Variants in PCSK9 observed in about 807,000 individuals in gnomAD.
The protein encoded by PCSK9 is proprotein convertase subtilisin/kexin type 9.
Under a neutral mutation model 62.1 loss-of-function variants are expected in PCSK9, and 57 were observed. The ratio of observed to expected loss-of-function variants is 0.92; its 90% CI spans 0.74 to 1.14. PCSK9 has a LOEUF of 1.14. Among genes scored for constraint, PCSK9 ranks in the 50% most tolerant of loss-of-function variants. The probability of loss-of-function intolerance (pLI) is 0.00; values close to 1 mark genes in which losing one functional copy is unlikely to be tolerated. For missense variants in PCSK9, 870 were observed against 959.8 expected (o/e 0.91, Z 1.24); for synonymous variants, 387 against 409.4 (o/e 0.95, Z 0.66).
rs1644784753 is a variant in PCSK9 at position 55,064,258 on chromosome 1, A to G, written c.*674A>G. ...ACCCAAAGGTGGCCTGCGGGGAGCC[A>G]TCACCTAGGACTGACTCGGCAGTGT... On this transcript the variant is annotated 3_prime_UTR_variant, in exon 12 of 12. Coordinates refer to ENST00000302118, the MANE Select transcript of PCSK9 (RefSeq NM_174936.4). The G allele has an allele frequency of 1.3e-5, 2 of 153,676 alleles. No homozygotes were observed. Among genetic ancestry groups the G allele is most frequent in the Admixed American group, 6.5e-5 (1 of 15,488 alleles). The allele number at this position is 153,676 out of a possible 1,614,324, so 9.5% of individuals were successfully genotyped here. A position where few individuals can be genotyped will look rare whatever the true frequency, so the allele number is the denominator to read the frequency against.
At chr1:55,050,000 C>T (rs200012644) in intron 3 of PCSK9, among the ~76,000 whole-genome samples, 5 of 137,228 alleles carry the variant, frequency 3.6e-5, no homozygotes, top group African/African-American at 5.1e-5. Flanking sequence ...TCACACACGA[C>T]GAGGAACATG....
Position 55,040,786 on chromosome 1 carries a change from G to C in PCSK9, c.207+742G>C, listed in dbSNP as rs1357037862. 2.0e-5 allele frequency among the ~76,000 whole-genome samples: 3 copies of C among 152,238 alleles called. No homozygotes were observed. The highest frequency in any genetic ancestry group is 4.4e-5 in the Non-Finnish European group (3 of 68,042). ...TGGTGCGCCTGGTACTGGGACCCCGGAGCTGAGCCCGGCGCCTCAGCCCAC... is the reference window on the plus strand; with the variant it reads ...TGGTGCGCCTGGTACTGGGACCCCGCAGCTGAGCCCGGCGCCTCAGCCCAC... On this transcript the variant is annotated intron_variant, in intron 1 of 11. Transcript: ENST00000302118. This position sits in a 1 kb window ranked among gnomAD's most constrained non-coding sequence, Gnocchi z 4.1.
chr1:55,046,475 T>G lies in PCSK9; in HGVS notation c.400-48T>G, dbSNP rs941818914. 4.3e-6 allele frequency: 7 copies of G among 1,613,986 alleles called. No homozygotes were observed. The African/African-American group carries it at 6.7e-5, about 15-fold the overall frequency. ...GCCAGGCTGTGGCTGTGTTTGCTGC[T>G]GTCCAAATGGCTTAAGCAGAGTCCC... On this transcript the variant is annotated intron_variant, in intron 2 of 11. Transcript: ENST00000302118.
chr1:55,052,783 C>A lies in PCSK9; in HGVS notation c.791C>A (p.Thr264Asn), dbSNP rs201789841. The change falls in exon 5 of 12, where the codon ACC becomes AAC. Residue 264 changes from threonine (T) to asparagine (N), a missense_variant. Thr to Asn is a moderately conservative substitution (Grantham distance 65, BLOSUM62 0). Transcript: ENST00000302118. ...NCQGKGTVSG[T>N]LIGLEFIRKS... is the part of the protein sequence containing the mutation. The stretch of plus-strand genomic sequence containing the variant: ...CAAGGGAAGGGCACGGTTAGCGGCA[C>A]CCTCATAGGTAAGTGATGGCCCCAG... 4.3e-6 allele frequency: 7 copies of A among 1,613,002 alleles called. No homozygotes were observed. The Admixed American group carries it at 8.3e-5, about 19-fold the overall frequency.
Position 55,061,528 on chromosome 1 carries a change from A to G in PCSK9, c.1835A>G (p.Glu612Gly), listed in dbSNP as rs753062243. ...CCAGGTCTGGAATGCAAAGTCAAGGAGCATGGAATCCCGGCCCCTCAGGAG... is the reference window on the plus strand; with the variant it reads ...CCAGGTCTGGAATGCAAAGTCAAGGGGCATGGAATCCCGGCCCCTCAGGAG... ...HAPGLECKVKEHGIPAPQEQV... is the reference protein window; with the variant it reads ...HAPGLECKVKGHGIPAPQEQV... Residue 612 changes from glutamate to glycine, a missense_variant, in exon 11 of 12, where the codon GAG becomes GGG. Coordinates refer to ENST00000302118, the MANE Select transcript of PCSK9 (RefSeq NM_174936.4). The G allele has an allele frequency of 2.5e-6, 4 of 1,602,880 alleles. No homozygotes were observed. The highest frequency in any genetic ancestry group is 1.7e-6 in the Non-Finnish European group (2 of 1,175,122).
At chr1:55,057,997 C>G (rs372353877) in intron 7 of PCSK9, 39 bp from the exon 8 acceptor site, 1 of 1,612,772 alleles carries the variant, frequency 6.2e-7, no homozygotes, top group Non-Finnish European at 8.5e-7. Context: ...GCAGGAGGGC[C>G]GGGCCATCAC....
chr1:55,057,574 G>T, intron 7 of PCSK9, 60 bp downstream of exon 7: 2 of 1,540,932 alleles, frequency 1.3e-6, no homozygotes, highest in Non-Finnish European at 1.8e-6. Context: ...TGGCAGTCAG[G>T]GTCTGTGCCG....
intron 5 of PCSK9, among the ~76,000 whole-genome samples, chr1:55,053,333 C>T (rs1345834389): frequency 6.6e-6 from 1 of 152,124 alleles, no homozygotes; most frequent in African/African-American, 2.4e-5. Flanking sequence ...AACTAGGACT[C>T]TGGGGGCCGG....
At position 55,039,968 on chromosome 1, in the gene PCSK9, C is replaced by A; in HGVS notation, c.131C>A (p.Ala44Asp). 1 of 1,579,610 alleles carries A rather than the reference C, an allele frequency of 6.3e-7. No homozygotes were observed. Among genetic ancestry groups the A allele is most frequent in the Non-Finnish European group, 8.6e-7 (1 of 1,163,700 alleles). The change falls in exon 1 of 12, where the codon GCC (alanine) becomes GAC (aspartate). Residue 44 changes from alanine (A) to aspartate (D), a missense_variant. Coordinates refer to ENST00000302118, the MANE Select transcript of PCSK9 (RefSeq NM_174936.4). The part of the protein sequence containing the change: ...EDGDYEELVL[A>D]LRSEEDGLAE... ...GGCGACTACGAGGAGCTGGTGCTAG[C>A]CTTGCGTTCCGAGGAGGACGGCCTG...
intron 2 of PCSK9, 143 bp downstream of exon 2, chr1:55,044,177 CA>C: frequency 1.0e-6 from 1 of 977,966 alleles, no homozygotes; most frequent in Non-Finnish European, 1.6e-6. Flanking sequence ...GTACCAAGCA[CA>C]GTAACTACTG....
intron 5 of PCSK9, 105 bp from the exon 6 acceptor site, chr1:55,055,888 C>T (rs1431349793): frequency 1.7e-6 from 2 of 1,195,914 alleles, no homozygotes; most frequent in Non-Finnish European, 2.3e-6. Flanking sequence ...CATCAGGCCA[C>T]AAAGTTGATC....
chr1:55,044,351 A>G (rs1021814261), intron 2 of PCSK9, among the ~76,000 whole-genome samples: 1 of 152,152 alleles, frequency 6.6e-6, no homozygotes, highest in Admixed American at 6.5e-5. Context: ...TCTTGTGCCA[A>G]TGCATCTGCT....
intron 2 of PCSK9, among the ~76,000 whole-genome samples, chr1:55,045,652 T>G (rs972178769): frequency 6.6e-6 from 1 of 151,074 alleles, no homozygotes; most frequent in South Asian, 2.1e-4. Context: ...ACCGCTGCCA[T>G]GCGCAGGGAG....
intron 6 of PCSK9, 55 bp downstream of exon 6, chr1:55,056,244 C>G (rs758576160): frequency 4.5e-5 from 1 of 22,164 alleles, no homozygotes; most frequent in Non-Finnish European, 7.2e-5. Flanking sequence ...GGGCGGAGGG[C>G]GGAGGGAGGG....
At position 55,063,494 on chromosome 1, in the gene PCSK9, T is replaced by G; in HGVS notation, c.1989T>G (p.Thr663=). 6.2e-7 allele frequency: 1 copy of G among 1,613,964 alleles called. No individual in the cohort carries two copies. The highest frequency in any genetic ancestry group is 1.1e-5 in the South Asian group (1 of 91,072). ...TAGTCAGGAGCCGGGACGTCAGCAC[T>G]ACAGGCAGCACCAGCGAAGGGGCCG... ...TCVVRSRDVS[T]TGSTSEGAVT... is the part of the protein sequence containing the mutation. Residue 663 remains threonine (T), a synonymous_variant, in exon 12 of 12, where the codon ACT becomes ACG. Transcript: ENST00000302118.
At chr1:55,052,815 G>A in intron 5 of PCSK9, 24 bp downstream of exon 5, 1 of 1,612,874 alleles carries the variant, frequency 6.2e-7, no homozygotes, top group Non-Finnish European at 8.5e-7. Flanking sequence ...CCAGACGCTG[G>A]TCTCTCTCCA....
In PCSK9 at chr1:55,046,559, G is replaced by A; in HGVS notation, c.436G>A (p.Asp146Asn). The change falls in exon 3 of 12, where the codon GAC (aspartate) becomes AAC (asparagine). Residue 146 changes from aspartate to asparagine, a missense_variant. Physicochemically the swap from Asp to Asn is conservative, Grantham distance 23 (BLOSUM62 1). Coordinates refer to ENST00000302118, the MANE Select transcript of PCSK9 (RefSeq NM_174936.4). The part of the protein sequence containing the change: ...KLPHVDYIEE[D>N]SSVFAQSIPW... ...GCCCCATGTCGACTACATCGAGGAGGACTCCTCTGTCTTTGCCCAGAGCAT... is the reference window on the plus strand; with the variant it reads ...GCCCCATGTCGACTACATCGAGGAGAACTCCTCTGTCTTTGCCCAGAGCAT... 6.2e-7 allele frequency: 1 copy of A among 1,614,146 alleles called. No homozygotes were observed. Among genetic ancestry groups the A allele is most frequent in the Non-Finnish European group, 8.5e-7 (1 of 1,180,030 alleles).
chr1:55,041,413 G>A (rs917172400), intron 1 of PCSK9, among the ~76,000 whole-genome samples: 2 of 152,094 alleles, frequency 1.3e-5, no homozygotes, highest in Non-Finnish European at 2.9e-5. Context: ...GATAAGAAAG[G>A]GCATTTCAAG....
chr1:55,058,247 G>A (rs1557506897), intron 8 of PCSK9, 38 bp downstream of exon 8: 2 of 1,601,320 alleles, frequency 1.2e-6, no homozygotes, highest in Non-Finnish European at 1.7e-6. Context: ...CCAGGCTGGG[G>A]CTTGGGAGGT....
Sources: allele counts gnomAD v4.1 joint callset (sites outside exome capture counted in the v4.1 genomes callset), GRCh38; gene constraint gnomAD v4.1.1; non-coding constraint Gnocchi (gnomAD v3.1); transcripts MANE v1.5; gene names NCBI Gene and HGNC (gene_info 2026-07-23, HGNC 2026-07-21).